Variants in AMMECR1L observed in about 807,000 individuals in gnomAD.
AMMECR1L encodes AMMECR1 like.
AMMECR1L carries 4 observed loss-of-function variants against 36.8 expected under a neutral mutation model. That is an observed-to-expected ratio of 0.11 (90% CI 0.05 to 0.25). The LOEUF (loss-of-function observed/expected upper bound fraction) is 0.25, where lower values mean the gene tolerates loss of function less well. Ranked by LOEUF, AMMECR1L falls within the 10% of genes least tolerant of loss-of-function variation. The probability of loss-of-function intolerance (pLI) is 1.00; values close to 1 mark genes in which losing one functional copy is unlikely to be tolerated. For missense variants in AMMECR1L, 232 were observed against 392.1 expected, an observed-to-expected ratio of 0.59 and a Z score of 3.45; for synonymous variants, 147 against 148.0, an observed-to-expected ratio of 0.99 and a Z score of 0.05.
chr2:127,884,105 C>T (rs1182662694), intron 2 of AMMECR1L, 98 bp downstream of exon 2: 1 of 152,172 alleles, frequency 6.6e-6, no homozygotes, highest in Non-Finnish European at 1.5e-5. Context: ...TAGAAAAATA[C>T]AAATGAAAAC....
intron 2 of AMMECR1L, among the ~76,000 whole-genome samples, chr2:127,875,276 G>C (rs973731778): frequency 6.6e-6 from 1 of 152,094 alleles, no homozygotes; most frequent in Non-Finnish European, 1.5e-5. Flanking sequence ...GGAAAATAGA[G>C]CCTAGTTATT....
rs1465963508 is a variant in AMMECR1L at position 127,869,214 on chromosome 2, A to G, written c.724+240T>C. The stretch of plus-strand genomic sequence containing the variant: ...TAAGAAATAAAACTATTCATTGAAA[A>G]GAAGTGTTTGAAATATCAGGCGAGT... On this transcript the variant is annotated intron_variant, in intron 6 of 7. Coordinates refer to ENST00000272647, the MANE Select transcript of AMMECR1L (RefSeq NM_001199140.2). This position sits in a 1 kb window ranked among gnomAD's most constrained non-coding sequence, Gnocchi z 4.7. Among the ~76,000 whole-genome samples the G allele has an allele frequency of 6.6e-6, 1 of 152,230 alleles. No individual in the cohort carries two copies. Among genetic ancestry groups the G allele is most frequent in the Non-Finnish European group, 1.5e-5 (1 of 68,036 alleles).
intron 2 of AMMECR1L, among the ~76,000 whole-genome samples, chr2:127,878,302 C>A (rs1384107492): frequency 6.6e-6 from 1 of 152,096 alleles, no homozygotes; most frequent in Admixed American, 6.6e-5. Context: ...CTGTGGGCAG[C>A]GAGCTAGAGA....
In AMMECR1L at chr2:127,871,150, G is replaced by A; in HGVS notation, c.518+99C>T. The A allele has an allele frequency of 7.5e-7, 1 of 1,332,352 alleles. No homozygotes were observed. The highest frequency in any genetic ancestry group is 1.0e-6 in the Non-Finnish European group (1 of 957,492). The allele number at this position is 1,332,352 out of a possible 1,614,324, so 82.5% of individuals were successfully genotyped here. On this transcript the variant is annotated intron_variant, in intron 4 of 7. Transcript: ENST00000272647. This position sits in a 1 kb window ranked among gnomAD's most constrained non-coding sequence, Gnocchi z 4.3. ...CCTTACATTTCCTGATTACCAAAAA[G>A]AGAAAGCTCAACGTACATCACTTAG...
Position 127,873,333 on chromosome 2 carries a change from T to C in AMMECR1L, c.407+495A>G, listed in dbSNP as rs1691075913. The C allele has an allele frequency of 3.0e-6, 3 of 985,348 alleles. No individual in the cohort carries two copies. In the African/African-American group the frequency reaches 5.2e-5, roughly 17 times the overall value. The allele number at this position is 985,348 out of a possible 1,614,324, so 61.0% of individuals were successfully genotyped here. Reference sequence around the variant, plus strand: ...ACTGAAGCAGATTCTGACTTCTTGATGGGATGTGAGTGGCCCTACAGGTTT... The same window carrying C: ...ACTGAAGCAGATTCTGACTTCTTGACGGGATGTGAGTGGCCCTACAGGTTT... On this transcript the variant is annotated intron_variant, in intron 3 of 7. Coordinates refer to ENST00000272647, the MANE Select transcript of AMMECR1L (RefSeq NM_001199140.2). The surrounding 1 kb of genome is among the most constrained non-coding windows in gnomAD (Gnocchi z 5.2).
chr2:127,873,864 G>C lies in AMMECR1L; in HGVS notation c.371C>G (p.Pro124Arg). The C allele has an allele frequency of 6.2e-7, 1 of 1,614,162 alleles. No individual in the cohort carries two copies. The highest frequency in any genetic ancestry group is 8.5e-7 in the Non-Finnish European group (1 of 1,180,034). ...DVLYCHLYGF[P>R]QPRLPRFTND... is the part of the protein sequence containing the mutation. ...GGTGAATCTAGGAAGTCGTGGCTGT[G>C]GGAAGCCATAGAGGTGACAGTAGAG... is the stretch of plus-strand genomic sequence containing the variant. The change falls in exon 3 of 8, where the codon CCA (proline) becomes CGA (arginine). Residue 124 changes from proline to arginine, a missense_variant. By Grantham distance (103) the Pro-to-Arg change is moderately radical (BLOSUM62 -2). Around this residue, in one of 3 missense-constraint regions of AMMECR1L, gnomAD observed 83 missense variants for 229.5 expected, o/e 0.36. Coordinates refer to ENST00000272647, the MANE Select transcript of AMMECR1L (RefSeq NM_001199140.2). This position sits in a 1 kb window ranked among gnomAD's most constrained non-coding sequence, Gnocchi z 5.2.
intron 5 of AMMECR1L, 123 bp downstream of exon 5, chr2:127,870,691 G>T: frequency 1.5e-6 from 1 of 687,284 alleles, no homozygotes; most frequent in Non-Finnish European, 2.4e-6. Flanking sequence ...GCCCACAATT[G>T]GTTCCAAACT....
intron 6 of AMMECR1L, among the ~76,000 whole-genome samples, chr2:127,867,727 C>T (rs557612609): frequency 2.9e-4 from 44 of 151,600 alleles, no homozygotes; most frequent in East Asian, 1.9e-3. Flanking sequence ...GCCTGGGTGA[C>T]AGGAGGAGAC....
In AMMECR1L at chr2:127,869,684, A is replaced by T; in HGVS notation, c.634-140T>A. The T allele has an allele frequency of 1.4e-6, 1 of 716,752 alleles. No homozygotes were observed. Among genetic ancestry groups the T allele is most frequent in the Middle Eastern group, 2.5e-4 (1 of 4,074 alleles). 44.4% of individuals were successfully genotyped at this position (716,752 alleles called of 1,614,324 possible). ...GAGACCTTCTCGCATTTCATGACTA[A>T]TTCTATCTCAGGAGGTATAGAGGCC... is the stretch of plus-strand genomic sequence containing the variant. On this transcript the variant is annotated intron_variant, in intron 5 of 7. Coordinates refer to ENST00000272647, the MANE Select transcript of AMMECR1L (RefSeq NM_001199140.2). This position sits in a 1 kb window ranked among gnomAD's most constrained non-coding sequence, Gnocchi z 4.7.
chr2:127,879,140 A>T (rs1000697803), intron 2 of AMMECR1L, among the ~76,000 whole-genome samples: 1 of 152,246 alleles, frequency 6.6e-6, no homozygotes, highest in Non-Finnish European at 1.5e-5. Flanking sequence ...GCCAACAAAA[A>T]GCAAATATTA....
At chr2:127,875,942 C>T (rs1468823858) in intron 2 of AMMECR1L, among the ~76,000 whole-genome samples, 1 of 152,098 alleles carries the variant, frequency 6.6e-6, no homozygotes, top group African/African-American at 2.4e-5. Context: ...TGCAGGTACA[C>T]ACCACTATGC....
chr2:127,872,542 A>G (rs1176299041), intron 3 of AMMECR1L, among the ~76,000 whole-genome samples: 1 of 152,120 alleles, frequency 6.6e-6, no homozygotes, highest in Non-Finnish European at 1.5e-5. Context: ...AGGCAACTTA[A>G]GTTTTCAAAG....
rs984547245 is a variant in AMMECR1L at position 127,861,968 on chromosome 2, T to C, written c.*3126A>G. The C allele has an allele frequency of 1.3e-5, 2 of 152,632 alleles. No individual in the cohort carries two copies. The highest frequency in any genetic ancestry group is 2.4e-5 in the African/African-American group (1 of 41,450). 9.5% of individuals were successfully genotyped at this position (152,632 alleles called of 1,614,324 possible). A position where few individuals can be genotyped will look rare whatever the true frequency, so the allele number is the denominator to read the frequency against. ...GATTTTTATTATAAACAATAAAATA[T>C]ATGTAATGTCTCAACTACAAACCTT... On this transcript the variant is annotated 3_prime_UTR_variant, in exon 8 of 8. Transcript: ENST00000272647.
rs777254370 is a variant in AMMECR1L at position 127,865,175 on chromosome 2, G to A, written c.852C>T (p.Tyr284=). ...GCTGTCGGGAAGCAATATACTCTGC[G>A]TAACTGATTGTCACCTTCTCACTTC... ...RYRSEKVTIS[Y]AEYIASRQHC... The change falls in exon 8 of 8, where the codon TAC becomes TAT. Residue 284 remains tyrosine, a synonymous_variant. Coordinates refer to ENST00000272647, the MANE Select transcript of AMMECR1L (RefSeq NM_001199140.2). The surrounding 1 kb of genome is among the most constrained non-coding windows in gnomAD (Gnocchi z 5.4). 13 of 1,613,296 alleles carry A rather than the reference G, an allele frequency of 8.1e-6. No homozygotes were observed. The highest frequency in any genetic ancestry group is 2.2e-5 in the East Asian group (1 of 44,818).
chr2:127,885,947 C>CGGACG lies in AMMECR1L; in HGVS notation c.-291_-287dup. ...CTGCGGGCGGGCCGGACGCGCTGCGCGGACGGGGCGGGGCGAAGGAGGCCG... is the reference window on the plus strand; with the variant it reads ...CTGCGGGCGGGCCGGACGCGCTGCGCGGACGGGACGGGGCGGGGCGAAGGAGGCCG... On this transcript the variant is annotated 5_prime_UTR_variant, in exon 1 of 8. Coordinates refer to ENST00000272647, the MANE Select transcript of AMMECR1L (RefSeq NM_001199140.2). 1 of 990,598 alleles carries CGGACG rather than the reference C, an allele frequency of 1.0e-6. No homozygotes were observed. The highest frequency in any genetic ancestry group is 1.7e-5 in the African/African-American group (1 of 57,280). The allele number at this position is 990,598 out of a possible 1,614,324, so 61.4% of individuals were successfully genotyped here. A position where few individuals can be genotyped will look rare whatever the true frequency, so the allele number is the denominator to read the frequency against.
Position 127,863,059 on chromosome 2 carries a change from C to T in AMMECR1L, c.*2035G>A, listed in dbSNP as rs1690533845. The T allele has an allele frequency of 1.3e-5, 2 of 152,352 alleles. No homozygotes were observed. The highest frequency in any genetic ancestry group is 2.4e-5 in the African/African-American group (1 of 41,348). 9.4% of individuals were successfully genotyped at this position (152,352 alleles called of 1,614,324 possible). On this transcript the variant is annotated 3_prime_UTR_variant, in exon 8 of 8. Transcript: ENST00000272647. ...CACCAATTTTTTTGCTTTTTTTAAT[C>T]TTTAGAAATTAAACACAACTCTTAA...
chr2:127,880,618 T>A (rs544675862), intron 2 of AMMECR1L, among the ~76,000 whole-genome samples: 1 of 152,196 alleles, frequency 6.6e-6, no homozygotes, highest in South Asian at 2.1e-4. Context: ...TTCCTCCCTC[T>A]CTGTGGGGAC....
At chr2:127,885,448 A>C in intron 1 of AMMECR1L, 1 of 978,714 alleles carries the variant, frequency 1.0e-6, no homozygotes, top group African/African-American at 1.8e-5. Context: ...GGTGGGGGCC[A>C]CCAGGCGGCG....
chr2:127,879,472 T>C (rs184560637), intron 2 of AMMECR1L, among the ~76,000 whole-genome samples: 53 of 152,354 alleles, frequency 3.5e-4, no homozygotes, highest in Admixed American at 1.0e-3. Context: ...GATGCTGCTA[T>C]GCTGTCTGTA....
Sources: gnomAD v4.1 joint callset for allele counts (sites outside exome capture counted in the v4.1 genomes callset) on GRCh38, gnomAD v4.1.1 for gene constraint, gnomAD v4.1.1 regional missense constraint, Gnocchi (gnomAD v3.1) non-coding constraint, MANE v1.5 for transcripts, NCBI Gene and HGNC (gene_info 2026-07-23, HGNC 2026-07-21) for gene names.